Variants in MARCHF1 observed in about 807,000 individuals in gnomAD.
MARCHF1 encodes E3 ubiquitin-protein ligase MARCHF1.
MARCHF1 carries 40 observed loss-of-function variants against 54.2 expected under a neutral mutation model. The ratio of observed to expected loss-of-function variants is 0.74; its 90% CI spans 0.57 to 0.96. MARCHF1 has a LOEUF of 0.96. Among genes scored for constraint, MARCHF1 ranks in the 40% least tolerant of loss-of-function variants. MARCHF1 has a pLI of 0.00. For synonymous variants in MARCHF1, 236 were observed against 236.3 expected (o/e 1.00, Z 0.01); for missense variants, 586 against 656.5 (o/e 0.89, Z 1.17).
intron 3 of MARCHF1, among the ~76,000 whole-genome samples, chr4:163,870,861 G>A (rs1331205073): frequency 6.6e-6 from 1 of 152,134 alleles, no homozygotes. Context: ...ATTGCCAGAA[G>A]TTGGTTAATG....
intron 3 of MARCHF1, among the ~76,000 whole-genome samples, chr4:163,909,153 A>G (rs886574368): frequency 6.6e-5 from 10 of 152,202 alleles, no homozygotes; most frequent in Non-Finnish European, 1.5e-4. Flanking sequence ...CCTTCTTTAA[A>G]CAGCCCATCC....
intron 1 of MARCHF1, among the ~76,000 whole-genome samples, chr4:164,147,954 T>C (rs1371871640): frequency 6.6e-6 from 1 of 152,110 alleles, no homozygotes; most frequent in Non-Finnish European, 1.5e-5. Flanking sequence ...TAGCAAAGTA[T>C]AATCTATAGA....
intron 5 of MARCHF1, among the ~76,000 whole-genome samples, chr4:163,671,053 T>G (rs1292916727): frequency 6.6e-6 from 1 of 152,228 alleles, no homozygotes; most frequent in African/African-American, 2.4e-5. Context: ...TCCCTTGCAT[T>G]TGACTGGATA....
intron 2 of MARCHF1, among the ~76,000 whole-genome samples, chr4:164,098,433 G>C (rs1755462421): frequency 6.6e-6 from 1 of 152,140 alleles, no homozygotes; most frequent in African/African-American, 2.4e-5. Flanking sequence ...ATGAATTATT[G>C]AAGAGTAGCC....
At chr4:163,641,217 T>C (rs1463338471) in intron 5 of MARCHF1, among the ~76,000 whole-genome samples, 1 of 152,126 alleles carries the variant, frequency 6.6e-6, no homozygotes, top group Non-Finnish European at 1.5e-5. Context: ...AATACCAAAG[T>C]TGTTACTTTA....
intron 1 of MARCHF1, among the ~76,000 whole-genome samples, chr4:164,243,359 T>C (rs2321379): frequency 0.9 from 116,042 of 129,472 alleles, 51,550 homozygotes; most frequent in East Asian, 0.99. Flanking sequence ...CAACCCAGAA[T>C]TTCATATCCA....
chr4:163,913,162 C>T (rs1405157999), intron 3 of MARCHF1, among the ~76,000 whole-genome samples: 2 of 152,158 alleles, frequency 1.3e-5, no homozygotes, highest in African/African-American at 4.8e-5. Context: ...ATTTCATTCT[C>T]CTTACCTAGC....
intron 1 of MARCHF1, among the ~76,000 whole-genome samples, chr4:164,145,743 T>G: frequency 6.9e-6 from 1 of 145,614 alleles, no homozygotes; most frequent in African/African-American, 2.6e-5. Flanking sequence ...CTGGAAGCAT[T>G]CCCTTTGAAA....
intron 1 of MARCHF1, among the ~76,000 whole-genome samples, chr4:164,318,514 A>G (rs869271135): frequency 4.5e-4 from 55 of 122,372 alleles, no homozygotes; most frequent in Non-Finnish European, 1.1e-4. Flanking sequence ...GCATCCTACA[A>G]AGAGAGAGAA....
intron 5 of MARCHF1, among the ~76,000 whole-genome samples, chr4:163,633,421 AC>A (rs1167707760): frequency 6.6e-6 from 1 of 152,218 alleles, no homozygotes; most frequent in Non-Finnish European, 1.5e-5. Context: ...GGAGCTGAAA[AC>A]CAAGGCTTGA....
At chr4:164,279,679 T>G (rs1475012481) in intron 1 of MARCHF1, among the ~76,000 whole-genome samples, 1 of 151,538 alleles carries the variant, frequency 6.6e-6, no homozygotes, top group Non-Finnish European at 1.5e-5. Context: ...AATGTAAAAA[T>G]TTCATAAATT....
intron 2 of MARCHF1, among the ~76,000 whole-genome samples, chr4:164,085,066 TAA>T (rs1239054221): frequency 6.6e-6 from 1 of 151,784 alleles, no homozygotes. Context: ...GTCCATTTAA[TAA>T]GTTTTCTCTC....
chr4:163,755,926 G>A (rs190817817), intron 4 of MARCHF1, among the ~76,000 whole-genome samples: 14 of 152,176 alleles, frequency 9.2e-5, no homozygotes, highest in Admixed American at 1.3e-4. Flanking sequence ...CAAATTACTG[G>A]GCTTTACCTA....
intron 3 of MARCHF1, among the ~76,000 whole-genome samples, chr4:163,944,036 C>T (rs760602331): frequency 2.0e-5 from 3 of 151,768 alleles, no homozygotes; most frequent in African/African-American, 7.3e-5. Context: ...GATGTGATCT[C>T]GCTCACTGCA....
chr4:164,023,498 A>G (rs1355858925), intron 2 of MARCHF1, among the ~76,000 whole-genome samples: 1 of 152,232 alleles, frequency 6.6e-6, no homozygotes, highest in Non-Finnish European at 1.5e-5. Flanking sequence ...CATGTGACAC[A>G]AAGAGCAAGA....
At chr4:163,907,389 T>A (rs1017772060) in intron 3 of MARCHF1, among the ~76,000 whole-genome samples, 5 of 151,786 alleles carry the variant, frequency 3.3e-5, no homozygotes, top group Admixed American at 6.6e-5. Context: ...TTGCAAAGAG[T>A]AGTAATAGGT....
chr4:163,606,825 CA>C (rs1741159615), intron 7 of MARCHF1, among the ~76,000 whole-genome samples: 1 of 152,046 alleles, frequency 6.6e-6, no homozygotes, highest in South Asian at 2.1e-4. Context: ...TCTTCCCATT[CA>C]AGGACTTAGT....
At chr4:163,924,573 T>C (rs1178978228) in intron 3 of MARCHF1, among the ~76,000 whole-genome samples, 1 of 151,988 alleles carries the variant, frequency 6.6e-6, no homozygotes, top group Non-Finnish European at 1.5e-5. Flanking sequence ...TATTAAAAAA[T>C]ATGTATAGTG....
intron 3 of MARCHF1, among the ~76,000 whole-genome samples, chr4:163,953,651 A>G (rs1354651374): frequency 6.6e-6 from 1 of 152,198 alleles, no homozygotes; most frequent in Non-Finnish European, 1.5e-5. Context: ...CTTACAGTAG[A>G]TATCAGCAAA....
Sources: gnomAD v4.1 joint callset for allele counts (sites outside exome capture counted in the v4.1 genomes callset) on GRCh38, gnomAD v4.1.1 for gene constraint, MANE v1.5 for transcripts, NCBI Gene and HGNC (gene_info 2026-07-23, HGNC 2026-07-21) for gene names.